SLC26A11: variants seen among roughly 807,000 people sequenced by gnomAD.
SLC26A11 encodes solute carrier family 26 member 11, also known as sodium-independent sulfate anion transporter.
Under a neutral mutation model 62.2 loss-of-function variants are expected in SLC26A11, and 58 were observed. The observed-to-expected ratio is 0.93, with a 90% CI of 0.76 to 1.16. The LOEUF (loss-of-function observed/expected upper bound fraction) is 1.16, where lower values mean the gene tolerates loss of function less well. Among genes scored for constraint, SLC26A11 ranks in the 50% most tolerant of loss-of-function variants. The pLI is 0.00. For synonymous variants in SLC26A11, 411 were observed against 368.9 expected (o/e 1.11, Z -1.31); for missense variants, 790 against 794.3 (o/e 0.99, Z 0.06).
At chr17:80,245,665 C>T (rs554536398) in intron 11 of SLC26A11, among the ~76,000 whole-genome samples, 3 of 152,350 alleles carry the variant, frequency 2.0e-5, no homozygotes, top group African/African-American at 7.2e-5. Context: ...CTCCTAGCTC[C>T]TGGTGCCAGA....
intron 8 of SLC26A11, 152 bp downstream of exon 8, chr17:80,237,255 TC>T: frequency 9.8e-7 from 1 of 1,021,170 alleles, no homozygotes; most frequent in Non-Finnish European, 1.4e-6. Flanking sequence ...TATTAAAGAA[TC>T]CCAGGTTGGA....
intron 14 of SLC26A11, 140 bp from the exon 15 acceptor site, chr17:80,248,435 C>A: frequency 8.1e-7 from 1 of 1,239,896 alleles, no homozygotes; most frequent in Non-Finnish European, 1.1e-6. Context: ...GTGTGGGGGC[C>A]ATGGGGGTCT....
At position 80,224,922 on chromosome 17, in the gene SLC26A11, C is replaced by A. The variant is rs150105877; in HGVS notation, c.514-915C>A. Among the ~76,000 whole-genome samples, 631 of 152,146 alleles carry A rather than the reference C, an allele frequency of 4.1e-3. 5 individuals are homozygous for A. Among genetic ancestry groups the A allele is most frequent in the African/African-American group, 0.015 (607 of 41,514 alleles). ...CCCCAACAGTCCCAGAGTCCGCCCC[C>A]CAGGATGTCCTAACCCCACCCACCC... On this transcript the variant is annotated intron_variant, in intron 5 of 17. Coordinates refer to ENST00000361193, the MANE Select transcript of SLC26A11 (RefSeq NM_001166347.2).
chr17:80,230,667 C>A (rs531395493), intron 7 of SLC26A11, among the ~76,000 whole-genome samples: 4 of 152,040 alleles, frequency 2.6e-5, no homozygotes, highest in Admixed American at 2.6e-4. Context: ...ACTTGCCTAA[C>A]CCTGAAGGCA....
At chr17:80,240,584 C>T (rs182171511) in intron 9 of SLC26A11, among the ~76,000 whole-genome samples, 1 of 152,146 alleles carries the variant, frequency 6.6e-6, no homozygotes, top group Admixed American at 6.5e-5. Context: ...GGGCGGATCA[C>T]CTGAGGTCAG....
chr17:80,237,649 C>T (rs1455836243), intron 9 of SLC26A11, 55 bp downstream of exon 9: 17 of 1,544,760 alleles, frequency 1.1e-5, no homozygotes, highest in Non-Finnish European at 1.4e-5. Context: ...CTGGGCTAGG[C>T]CTGCCTGCTT....
intron 7 of SLC26A11, among the ~76,000 whole-genome samples, chr17:80,236,441 A>G (rs2042692884): frequency 6.6e-6 from 1 of 152,222 alleles, no homozygotes. Context: ...CCATCGGGGA[A>G]ACCGTAGGCA....
At chr17:80,248,961 C>T (rs145127983) in intron 15 of SLC26A11, among the ~76,000 whole-genome samples, 193 bp from the exon 16 acceptor site, 1 of 152,328 alleles carries the variant, frequency 6.6e-6, no homozygotes, top group East Asian at 1.9e-4. Flanking sequence ...AGGAGGGAAA[C>T]AGCTGCTGCT....
rs1044845179 is a variant in SLC26A11 at position 80,228,563 on chromosome 17, G to A, written c.736+603G>A. Among the ~76,000 whole-genome samples the A allele has an allele frequency of 6.6e-6, 1 of 152,240 alleles. No individual in the cohort carries two copies. Among genetic ancestry groups the A allele is most frequent in the African/African-American group, 2.4e-5 (1 of 41,458 alleles). ...CAGTTTTGCCCCCTGGTGACACGTG[G>A]CAATGTTGGGAAACATTTTTGGTGG... On this transcript the variant is annotated intron_variant, in intron 7 of 17. Coordinates refer to ENST00000361193, the MANE Select transcript of SLC26A11 (RefSeq NM_001166347.2). The surrounding 1 kb of genome is among the most constrained non-coding windows in gnomAD (Gnocchi z 4.1).
chr17:80,225,746 C>A, intron 5 of SLC26A11, 91 bp from the exon 6 acceptor site: 2 of 1,162,410 alleles, frequency 1.7e-6, no homozygotes, highest in Non-Finnish European at 2.6e-6. Flanking sequence ...GGGACACTGT[C>A]TCAGCCCTAG....
chr17:80,229,540 CCG>C (rs2042505030), intron 7 of SLC26A11, among the ~76,000 whole-genome samples: 1 of 152,042 alleles, frequency 6.6e-6, no homozygotes, highest in Admixed American at 6.6e-5. Context: ...AGCAATTATC[CCG>C]CCTCAGCCTC....
intron 7 of SLC26A11, among the ~76,000 whole-genome samples, chr17:80,230,846 TGA>T (rs1489385890): frequency 6.6e-6 from 1 of 152,186 alleles, no homozygotes. Flanking sequence ...GCTTTGAGAA[TGA>T]GTTTATTATT....
At position 80,252,081 on chromosome 17, in the gene SLC26A11, C is replaced by T. The variant is rs569017430; in HGVS notation, c.1730-544C>T. Among the ~76,000 whole-genome samples, 3 of 152,112 alleles carry T rather than the reference C, an allele frequency of 2.0e-5. No homozygotes were observed. The highest frequency in any genetic ancestry group is 2.0e-4 in the Admixed American group (3 of 15,254). On this transcript the variant is annotated intron_variant, in intron 17 of 17. Coordinates refer to ENST00000361193, the MANE Select transcript of SLC26A11 (RefSeq NM_001166347.2). This position sits in a 1 kb window ranked among gnomAD's most constrained non-coding sequence, Gnocchi z 5.2. ...GACAGGAGCAGGGTGGGCGCTGACC[C>T]TTGAGACAGCAATCGCAGGAGGTCT...
At chr17:80,227,731 C>T (rs1412047962) in intron 6 of SLC26A11, 87 bp from the exon 7 acceptor site, 6 of 1,529,316 alleles carry the variant, frequency 3.9e-6, no homozygotes, top group Non-Finnish European at 5.3e-6. Flanking sequence ...TTCTTAGTGC[C>T]TCTCAGCTTA....
chr17:80,227,766 G>A, intron 6 of SLC26A11, 52 bp from the exon 7 acceptor site: 1 of 1,582,990 alleles, frequency 6.3e-7, no homozygotes, highest in Non-Finnish European at 8.6e-7. Flanking sequence ...GCTTGAGTCA[G>A]CAGTAGGCCT....
rs780636379 is a variant in SLC26A11 at position 80,248,120 on chromosome 17, C to T, written c.1295-10C>T. 1.9e-6 allele frequency: 3 copies of T among 1,598,634 alleles called. No homozygotes were observed. The highest frequency in any genetic ancestry group is 2.5e-6 in the Non-Finnish European group (3 of 1,178,044). On this transcript the variant is annotated splice_polypyrimidine_tract_variant and intron_variant, in intron 13 of 17. Transcript: ENST00000361193. ...CTGCCGGGCATTCCTCAGCTGTGCC[C>T]TTCTCCTAGGGCTGGACCTGCTGCC...
intron 9 of SLC26A11, among the ~76,000 whole-genome samples, chr17:80,239,344 G>T (rs1175583311): frequency 1.3e-5 from 2 of 151,700 alleles, no homozygotes; most frequent in East Asian, 3.9e-4. Context: ...CTCCCAAAGT[G>T]CTGGGATTAC....
In SLC26A11 at chr17:80,249,225, C is replaced by T. The variant is rs1308803138; in HGVS notation, c.1594C>T (p.Leu532Phe). Residue 532 changes from leucine (L) to phenylalanine (F), a missense_variant, in exon 16 of 18, where the codon CTC becomes TTC. Physicochemically the swap from Leu to Phe is conservative, Grantham distance 22. Transcript: ENST00000361193. ...CATCGACTACACTGTGGTGCTGGGA[C>T]TCGGCGAGCTCCTCCAGGACTTCCA... ...CSIDYTVVLG[L>F]GELLQDFQKQ... is the part of the protein sequence containing the mutation. 3.7e-6 allele frequency: 6 copies of T among 1,611,442 alleles called. No homozygotes were observed. Among genetic ancestry groups the T allele is most frequent in the Non-Finnish European group, 4.2e-6 (5 of 1,180,014 alleles).
intron 6 of SLC26A11, among the ~76,000 whole-genome samples, chr17:80,226,742 G>C (rs1017886090): frequency 1.3e-5 from 2 of 152,178 alleles, no homozygotes; most frequent in African/African-American, 4.8e-5. Context: ...CTCTGATGAG[G>C]GGTACCTCCC....
Sources: allele counts gnomAD v4.1 joint callset (sites outside exome capture counted in the v4.1 genomes callset), GRCh38; gene constraint gnomAD v4.1.1; non-coding constraint Gnocchi (gnomAD v3.1); transcripts MANE v1.5; gene names NCBI Gene and HGNC (gene_info 2026-07-23, HGNC 2026-07-21).